ZNF280D: variants seen among roughly 807,000 people sequenced by gnomAD.
ZNF280D encodes the protein suppressor of hairy wing homolog 4.
ZNF280D carries 39 observed loss-of-function variants against 94.7 expected under a neutral mutation model. That is an observed-to-expected ratio of 0.41 (90% CI 0.32 to 0.54). The LOEUF (loss-of-function observed/expected upper bound fraction) is 0.54. Among genes scored for constraint, ZNF280D ranks in the 20% least tolerant of loss-of-function variants. The pLI is 0.22. For synonymous variants in ZNF280D, 398 were observed against 377.6 expected, an observed-to-expected ratio of 1.05 and a Z score of -0.63; for missense variants, 1,090 against 1,149.3, an observed-to-expected ratio of 0.95 and a Z score of 0.75.
chr15:56,706,775 A>T (rs1174421726), intron 3 of ZNF280D, among the ~76,000 whole-genome samples: 1 of 152,180 alleles, frequency 6.6e-6, no homozygotes, highest in Non-Finnish European at 1.5e-5. Flanking sequence ...AGAAAAAAAA[A>T]ATTTAAGACA....
rs749587425 is a variant in ZNF280D, at chr15:56,701,196, A to G, written c.218T>C (p.Leu73Pro). 4.4e-6 allele frequency: 7 copies of G among 1,590,022 alleles called. No homozygotes were observed. The highest frequency in any genetic ancestry group is 2.0e-4 in the Middle Eastern group (1 of 4,904). The change falls in exon 5 of 22, where the codon CTA becomes CCA. Residue 73 changes from leucine to proline, a missense_variant. By Grantham distance (98) the Leu-to-Pro change is moderately conservative (BLOSUM62 -3). Around this residue, in one of 3 missense-constraint regions of ZNF280D, gnomAD observed 386 missense variants for 372.0 expected, o/e 1.04. Transcript: ENST00000267807. ...ACCTCGACTGAGTGCACCATTCTTT[A>G]GTCCCCTTGAATATGAGCTGGGGTT... ...RVNPSSYSRG[L>P]KNGALSRGIT...
In ZNF280D at chr15:56,689,474, C is replaced by T. The variant is rs2056287714; in HGVS notation, c.500-4G>A. 2 of 1,484,820 alleles carry T rather than the reference C, an allele frequency of 1.3e-6. No homozygotes were observed. The highest frequency in any genetic ancestry group is 1.4e-5 in the South Asian group (1 of 70,970). 92.0% of individuals were successfully genotyped at this position (1,484,820 alleles called of 1,614,324 possible). ...AAAAATGAACTTTCACTCATACCTA[C>T]AATAATTTAAATAGTGAGAAAAATA... On this transcript the variant is annotated splice_region_variant and splice_polypyrimidine_tract_variant and intron_variant, in intron 7 of 21. Transcript: ENST00000267807.
chr15:56,663,200 C>T (rs1200062809), intron 16 of ZNF280D, among the ~76,000 whole-genome samples: 1 of 148,530 alleles, frequency 6.7e-6, no homozygotes, highest in Non-Finnish European at 1.5e-5. Flanking sequence ...GGGAGGATCA[C>T]CTGAGCCCAG....
intron 19 of ZNF280D, among the ~76,000 whole-genome samples, chr15:56,643,745 T>C (rs2052740325): frequency 6.6e-6 from 1 of 151,870 alleles, no homozygotes; most frequent in Non-Finnish European, 1.5e-5. Context: ...TAAACTCAAT[T>C]TTAATCTGTG....
At chr15:56,637,517 A>G (rs1156848650) in intron 20 of ZNF280D, among the ~76,000 whole-genome samples, 1 of 152,128 alleles carries the variant, frequency 6.6e-6, no homozygotes, top group Non-Finnish European at 1.5e-5. Context: ...TCCTCAACAA[A>G]GAATCAGTCA....
chr15:56,652,619 T>C (rs1318517039), intron 19 of ZNF280D: 4 of 983,566 alleles, frequency 4.1e-6, no homozygotes, highest in Non-Finnish European at 4.8e-6. Context: ...CTGGTCACCA[T>C]ATGTATGTTT....
chr15:56,637,164 A>C (rs1000114549), intron 20 of ZNF280D, among the ~76,000 whole-genome samples: 1 of 128,424 alleles, frequency 7.8e-6, no homozygotes, highest in Admixed American at 9.3e-5. Flanking sequence ...AATTTTCCAG[A>C]ATGAATTTTT....
intron 20 of ZNF280D, 30 bp from the exon 21 acceptor site, chr15:56,635,280 C>T: frequency 3.8e-6 from 5 of 1,319,312 alleles, no homozygotes; most frequent in Non-Finnish European, 4.1e-6. Context: ...TTTTCTTTTA[C>T]ATTCACAGTT....
At chr15:56,733,359 A>AC (rs1596746361) in intron 1 of ZNF280D, 99 bp downstream of exon 1, 3 of 705,556 alleles carry the variant, frequency 4.3e-6, no homozygotes, top group Non-Finnish European at 5.2e-6. Context: ...CGGCCTCAAG[A>AC]CCCCCAGTCC....
Position 56,631,374 on chromosome 15 carries a change from G to T in ZNF280D, c.*124C>A. On this transcript the variant is annotated 3_prime_UTR_variant, in exon 22 of 22. Transcript: ENST00000267807. The stretch of plus-strand genomic sequence containing the variant: ...AACATAGGTTGAACATACAGGTAAA[G>T]TGTATGTGTGACCTCCCTTACATAT... 1 of 953,622 alleles carries T rather than the reference G, an allele frequency of 1.0e-6. No individual in the cohort carries two copies. The highest frequency in any genetic ancestry group is 1.6e-6 in the Non-Finnish European group (1 of 628,762). 59.1% of individuals were successfully genotyped at this position (953,622 alleles called of 1,614,324 possible). A position where few individuals can be genotyped will look rare whatever the true frequency, so the allele number is the denominator to read the frequency against.
chr15:56,677,149 C>A (rs748268939), intron 12 of ZNF280D, among the ~76,000 whole-genome samples: 1 of 152,208 alleles, frequency 6.6e-6, no homozygotes, highest in Admixed American at 6.5e-5. Context: ...CATGAAACAG[C>A]ATTCTCCTTT....
At chr15:56,712,500 T>C (rs1267051703) in intron 1 of ZNF280D, among the ~76,000 whole-genome samples, 1 of 143,418 alleles carries the variant, frequency 7.0e-6, no homozygotes, top group African/African-American at 2.6e-5. Context: ...TGGTGGCACA[T>C]GCCCCTGGTC....
intron 20 of ZNF280D, among the ~76,000 whole-genome samples, chr15:56,640,158 T>G (rs1451925272): frequency 6.6e-6 from 1 of 152,160 alleles, no homozygotes; most frequent in Non-Finnish European, 1.5e-5. Flanking sequence ...ACTTTCTGGC[T>G]CAGCATAACA....
chr15:56,655,667 C>A (rs975889066), intron 17 of ZNF280D, among the ~76,000 whole-genome samples: 7 of 152,208 alleles, frequency 4.6e-5, no homozygotes, highest in Admixed American at 3.9e-4. Flanking sequence ...TATTTGAATA[C>A]ACTTGACATA....
chr15:56,700,853 T>C (rs1293449518), intron 6 of ZNF280D, 80 bp downstream of exon 6: 17 of 1,610,224 alleles, frequency 1.1e-5, no homozygotes, highest in East Asian at 4.5e-5. Flanking sequence ...CAGTCCAGAA[T>C]TGTAACTGGG....
intron 1 of ZNF280D, among the ~76,000 whole-genome samples, chr15:56,716,347 AG>A (rs2141348705): frequency 6.6e-6 from 1 of 152,256 alleles, no homozygotes; most frequent in South Asian, 2.1e-4. Context: ...AAAAAAGAAA[AG>A]TGATAATTAA....
chr15:56,709,845 C>T (rs2057655934), intron 1 of ZNF280D, among the ~76,000 whole-genome samples: 1 of 152,046 alleles, frequency 6.6e-6, no homozygotes, highest in African/African-American at 2.4e-5. Context: ...ACATCACACA[C>T]CGGGGCCTGT....
At chr15:56,663,065 C>T (rs2054056147) in intron 16 of ZNF280D, among the ~76,000 whole-genome samples, 1 of 150,938 alleles carries the variant, frequency 6.6e-6, no homozygotes, top group South Asian at 2.1e-4. Flanking sequence ...AGGCAGATCA[C>T]TTAAGCCCAG....
In ZNF280D at chr15:56,704,163, T is replaced by C. The variant is rs777721693; in HGVS notation, c.133A>G (p.Ile45Val). 4.4e-5 allele frequency: 71 copies of C among 1,613,896 alleles called. No homozygotes were observed. Among genetic ancestry groups the C allele is most frequent in the African/African-American group, 9.3e-5 (7 of 75,042 alleles). The change falls in exon 4 of 22, where the codon ATC becomes GTC. Residue 45 changes from isoleucine to valine, a missense_variant. By Grantham distance (29) the Ile-to-Val change is conservative. Transcript: ENST00000267807. ...GAACTTGATATCTCGCCAACAAAGA[T>C]TGGCTCATCATCATCGTCATCCTCA... is the stretch of plus-strand genomic sequence containing the variant. ...EVEDDDDDEPIFVGEISSSKP... is the reference protein window; with the variant it reads ...EVEDDDDDEPVFVGEISSSKP...
Sources: allele counts gnomAD v4.1 joint callset (sites outside exome capture counted in the v4.1 genomes callset), GRCh38; gene constraint gnomAD v4.1.1; regional missense constraint gnomAD v4.1.1; transcripts MANE v1.5; gene names NCBI Gene and HGNC (gene_info 2026-07-23, HGNC 2026-07-21).